The following ASB3 variants were observed in gnomAD, a reference collection of about 807,000 sequenced individuals.
The protein encoded by ASB3 is ankyrin repeat and SOCS box containing 3, also known as ankyrin repeat and SOCS box protein 3.
In ASB3, 41 loss-of-function variants were observed where a neutral mutation model predicts 54.5. That is an observed-to-expected ratio of 0.75 (90% CI 0.59 to 0.98). The LOEUF is 0.98. ASB3 is among the 50% of genes least tolerant of loss of function. ASB3 has a pLI of 0.00. For synonymous variants in ASB3, 266 were observed against 221.2 expected (o/e 1.20, Z -1.80); for missense variants, 733 against 620.0 (o/e 1.18, Z -1.94).
intron 3 of ASB3, among the ~76,000 whole-genome samples, chr2:53,731,206 C>G (rs775773012): frequency 2.0e-4 from 30 of 152,150 alleles, no homozygotes; most frequent in Non-Finnish European, 3.2e-4. Flanking sequence ...TCGAGACCAT[C>G]CTGGCTAACA....
chr2:53,732,501 G>A (rs1007662338), intron 3 of ASB3, among the ~76,000 whole-genome samples: 2 of 152,164 alleles, frequency 1.3e-5, no homozygotes, highest in African/African-American at 4.8e-5. Context: ...AGTGATATAT[G>A]AAGGAGAGTG....
intron 7 of ASB3, among the ~76,000 whole-genome samples, chr2:53,712,269 A>G (rs939524818): frequency 6.6e-6 from 1 of 152,080 alleles, no homozygotes; most frequent in Non-Finnish European, 1.5e-5. Flanking sequence ...AGCAGAAGAT[A>G]GTGAAGTAAA....
intron 3 of ASB3, among the ~76,000 whole-genome samples, chr2:53,745,584 T>G (rs902822290): frequency 5.3e-5 from 8 of 152,214 alleles, no homozygotes; most frequent in Admixed American, 2.6e-4. Flanking sequence ...ACACCTCTCA[T>G]GTCAACAACT....
chr2:53,696,001 G>C (rs1669163100), intron 8 of ASB3, among the ~76,000 whole-genome samples: 1 of 152,112 alleles, frequency 6.6e-6, no homozygotes, highest in African/African-American at 2.4e-5. Context: ...AATTTTTATA[G>C]AATGTTTCTT....
intron 1 of ASB3, among the ~76,000 whole-genome samples, chr2:53,782,304 A>G (rs1171451104): frequency 1.3e-5 from 2 of 152,240 alleles, no homozygotes; most frequent in African/African-American, 2.4e-5. Flanking sequence ...TGGAAGAGAA[A>G]GCAGGTAGGA....
chr2:53,679,506 T>TCTAC (rs760646102), intron 9 of ASB3, among the ~76,000 whole-genome samples: 3 of 152,054 alleles, frequency 2.0e-5, no homozygotes, highest in Non-Finnish European at 2.9e-5. Context: ...AAGAAATGGG[T>TCTAC]CTACCTGAGG....
At chr2:53,740,224 C>T (rs145989994) in intron 3 of ASB3, among the ~76,000 whole-genome samples, 1 of 152,280 alleles carries the variant, frequency 6.6e-6, no homozygotes, top group East Asian at 1.9e-4. Context: ...TTTTTCTATA[C>T]AATTGAACAG....
chr2:53,716,849 T>C (rs919855224), intron 5 of ASB3, 106 bp from the exon 6 acceptor site: 5 of 1,254,020 alleles, frequency 4.0e-6, no homozygotes, highest in Non-Finnish European at 5.3e-6. Flanking sequence ...ACGGTAAGCT[T>C]TTCCCTCTTC....
intron 2 of ASB3, among the ~76,000 whole-genome samples, chr2:53,761,599 T>C (rs1301327059): frequency 9.9e-5 from 15 of 152,160 alleles, no homozygotes; most frequent in Non-Finnish European, 1.5e-5. Context: ...AGTTACACTA[T>C]CACTTCCCCT....
intron 1 of ASB3, among the ~76,000 whole-genome samples, chr2:53,779,055 ATC>A (rs1357506858): frequency 2.0e-5 from 3 of 152,094 alleles, no homozygotes; most frequent in African/African-American, 4.8e-5. Flanking sequence ...CTTATCTTTC[ATC>A]TGTTTGATAG....
chr2:53,687,415 G>T (rs1320866097), intron 9 of ASB3, among the ~76,000 whole-genome samples: 1 of 152,208 alleles, frequency 6.6e-6, no homozygotes, highest in Non-Finnish European at 1.5e-5. Flanking sequence ...CTCAACAAAT[G>T]AAAGGTCATG....
intron 5 of ASB3, 134 bp from the exon 6 acceptor site, chr2:53,716,877 G>T: frequency 9.9e-7 from 1 of 1,009,684 alleles, no homozygotes; most frequent in Non-Finnish European, 1.4e-6. Flanking sequence ...GTTGGATGTT[G>T]TTATATAAAC....
chr2:53,756,044 C>A (rs541452007), intron 2 of ASB3, among the ~76,000 whole-genome samples: 93 of 150,744 alleles, frequency 6.2e-4, no homozygotes, highest in Admixed American at 8.6e-4. Flanking sequence ...CATATGTCTG[C>A]GGTCCCAGTT....
chr2:53,731,753 A>G (rs543290076), intron 3 of ASB3, among the ~76,000 whole-genome samples: 4 of 152,092 alleles, frequency 2.6e-5, no homozygotes, highest in African/African-American at 4.8e-5. Context: ...CCCAGGTTCA[A>G]GCAATTCTCC....
chr2:53,702,718 C>T (rs3755120), intron 7 of ASB3, among the ~76,000 whole-genome samples: 46,730 of 151,944 alleles, frequency 0.31, 7,503 homozygotes, highest in African/African-American at 0.4. Context: ...TCTACCACTC[C>T]GCTCCTTGAA....
At chr2:53,672,775 C>A (rs376853968) in intron 9 of ASB3, among the ~76,000 whole-genome samples, 26 of 152,242 alleles carry the variant, frequency 1.7e-4, no homozygotes, top group African/African-American at 4.3e-4. Flanking sequence ...ATGTATGAAA[C>A]AAGGTGAGTG....
chr2:53,714,589 T>C lies in ASB3; in HGVS notation c.783-8A>G, dbSNP rs748180565. On this transcript the variant is annotated splice_polypyrimidine_tract_variant and splice_region_variant and intron_variant, in intron 6 of 9. Coordinates refer to ENST00000263634, the MANE Select transcript of ASB3 (RefSeq NM_016115.5). ...ATTAACAAGTCCAAGATTCTATAAA[T>C]ACACAAATTCAGGAGAATTTAGTGT... 1.9e-6 allele frequency: 3 copies of C among 1,612,602 alleles called. No homozygotes were observed. The South Asian group carries it at 3.3e-5, about 18-fold the overall frequency.
In ASB3 at chr2:53,704,871, C is replaced by T. The variant is rs140160767; in HGVS notation, c.981-4343G>A. ...ATGTTGTCTTTATTCTATCTGATCA[C>T]TTATGAAAACTCTCTAATAAAGAAC... On this transcript the variant is annotated intron_variant, in intron 7 of 9. Transcript: ENST00000263634. Among the ~76,000 whole-genome samples the T allele has an allele frequency of 2.7e-3, 405 of 152,298 alleles. 1 individual carries two copies. Among genetic ancestry groups the T allele is most frequent in the Middle Eastern group, 0.02 (6 of 294 alleles).
intron 3 of ASB3, among the ~76,000 whole-genome samples, chr2:53,738,417 G>T (rs1229924592): frequency 6.6e-6 from 1 of 152,096 alleles, no homozygotes; most frequent in African/African-American, 2.4e-5. Context: ...GCTTCATTTG[G>T]CTGTTTAAAT....
Sources: allele counts gnomAD v4.1 joint callset (sites outside exome capture counted in the v4.1 genomes callset), GRCh38; gene constraint gnomAD v4.1.1; transcripts MANE v1.5; gene names NCBI Gene and HGNC (gene_info 2026-07-23, HGNC 2026-07-21).